The following COL4A2 variants were observed in gnomAD, a reference collection of about 807,000 sequenced individuals.
COL4A2 encodes collagen type IV alpha 2 chain.
Under a neutral mutation model 200.2 loss-of-function variants are expected in COL4A2, and 99 were observed. The ratio of observed to expected loss-of-function variants is 0.49; its 90% confidence interval spans 0.42 to 0.58. The LOEUF is 0.58. COL4A2 is among the 20% of genes least tolerant of loss of function. COL4A2 has a pLI of 0.00. For synonymous variants in COL4A2, 897 were observed against 900.6 expected (o/e 1.00, Z 0.07); for missense variants, 1,950 against 2,314.1 (o/e 0.84, Z 3.23).
chr13:110,375,074 A>G (rs1009755048), intron 4 of COL4A2, among the ~76,000 whole-genome samples: 6 of 152,182 alleles, frequency 3.9e-5, no homozygotes, highest in Admixed American at 6.5e-5. Flanking sequence ...ATTCCTCACT[A>G]TAAGATGTGT....
chr13:110,480,948 TGTTCTGTCCCTCCGTTGCTGGAGACACAC>T (rs1882881570), intron 31 of COL4A2, among the ~76,000 whole-genome samples: 1 of 141,822 alleles, frequency 7.1e-6, no homozygotes, highest in Non-Finnish European at 1.5e-5. Context: ...GGAGACACAC[TGTTCTGTCCCTCCGTTGCTGGAGACACAC>T]AGTTCTGTCC....
chr13:110,428,900 T>C (rs1880571687), intron 7 of COL4A2: 1 of 257,500 alleles, frequency 3.9e-6, no homozygotes, highest in Non-Finnish European at 7.2e-6. Context: ...GACAAAATTC[T>C]GTCCATCACC....
At position 110,469,202 on chromosome 13, in the gene COL4A2, T is replaced by C; in HGVS notation, c.2096-15T>C. 4.5e-6 allele frequency: 7 copies of C among 1,571,594 alleles called. No homozygotes were observed. The highest frequency in any genetic ancestry group is 6.0e-6 in the Non-Finnish European group (7 of 1,157,038). On this transcript the variant is annotated splice_polypyrimidine_tract_variant and intron_variant, in intron 27 of 47. Transcript: ENST00000360467. ...GTGGAGCCTGATGTGGTTTGTGGTT[T>C]ATTTGGTTATTTAGGTGCCAAAGGC...
chr13:110,454,559 C>T (rs1373337263), intron 20 of COL4A2, among the ~76,000 whole-genome samples: 3 of 152,250 alleles, frequency 2.0e-5, no homozygotes, highest in South Asian at 4.1e-4. Context: ...TGACCGGACA[C>T]GCAGCTGACC....
At chr13:110,327,542 T>C (rs769778687) in intron 3 of COL4A2, among the ~76,000 whole-genome samples, 6 of 152,266 alleles carry the variant, frequency 3.9e-5, no homozygotes, top group African/African-American at 9.6e-5. Context: ...TTTAGAGTGA[T>C]TCTCTTAAAT....
rs772750886 is a variant in COL4A2 at position 110,503,950 on chromosome 13, G to A, written c.4242G>A (p.Gly1414=). The A allele has an allele frequency of 6.4e-7, 1 of 1,574,022 alleles. No homozygotes were observed. The highest frequency in any genetic ancestry group is 1.4e-5 in the African/African-American group (1 of 72,890). ...VGPQGRRGPP[G]APGEMGPQGP... ...CCCAGGGGAGGCGAGGCCCCCCTGG[G>A]GCACCGGGGGAGATGGGGCCCCAGG... Residue 1414 remains glycine (G), a synonymous_variant, in exon 44 of 48, where the codon GGG becomes GGA. Coordinates refer to ENST00000360467, the MANE Select transcript of COL4A2 (RefSeq NM_001846.4).
Position 110,445,890 on chromosome 13 carries a change from C to T in COL4A2, c.1011+8C>T, listed in dbSNP as rs1201449707. 5.0e-6 allele frequency: 8 copies of T among 1,614,004 alleles called. No homozygotes were observed. The highest frequency in any genetic ancestry group is 3.3e-5 in the South Asian group (3 of 91,078). On this transcript the variant is annotated splice_region_variant and intron_variant, in intron 17 of 47. Coordinates refer to ENST00000360467, the MANE Select transcript of COL4A2 (RefSeq NM_001846.4). ...GGACCCCGGGGACCCAAGGTGAGCC[C>T]GTTTCTCATGTCTTTGCCACTTATG...
At chr13:110,310,408 GC>G (rs1266391356) in intron 3 of COL4A2, among the ~76,000 whole-genome samples, 5 of 152,218 alleles carry the variant, frequency 3.3e-5, no homozygotes, top group Non-Finnish European at 7.3e-5. Context: ...GGGTTGAGAG[GC>G]AGTTGAGATT....
intron 29 of COL4A2, among the ~76,000 whole-genome samples, chr13:110,476,201 G>A (rs1882697108): frequency 7.3e-6 from 1 of 136,880 alleles, no homozygotes; most frequent in African/African-American, 2.7e-5. Flanking sequence ...CAATGAGCAG[G>A]AGTGGGGTGG....
intron 4 of COL4A2, among the ~76,000 whole-genome samples, chr13:110,422,833 T>C (rs1880306206): frequency 6.6e-6 from 1 of 152,176 alleles, no homozygotes; most frequent in Admixed American, 6.5e-5. Flanking sequence ...AGGTGAGATC[T>C]TCCCACACCC....
At chr13:110,447,971 CAG>C (rs1239967406) in intron 18 of COL4A2, among the ~76,000 whole-genome samples, 1 of 152,160 alleles carries the variant, frequency 6.6e-6, no homozygotes, top group Non-Finnish European at 1.5e-5. Context: ...CAGGACAGAA[CAG>C]GGCCATGGGC....
At chr13:110,501,546 T>A in intron 40 of COL4A2, 122 bp from the exon 41 acceptor site, 26 of 726,564 alleles carry the variant, frequency 3.6e-5, no homozygotes, top group Non-Finnish European at 4.7e-5. Flanking sequence ...TGAGGGCACC[T>A]CCCATCACTG....
At chr13:110,409,319 G>A (rs909177140) in intron 4 of COL4A2, among the ~76,000 whole-genome samples, 4 of 152,276 alleles carry the variant, frequency 2.6e-5, no homozygotes, top group South Asian at 2.1e-4. Context: ...CGGGTAAATC[G>A]CAATATGGAT....
At chr13:110,440,687 C>G (rs752082339) in intron 16 of COL4A2, among the ~76,000 whole-genome samples, 24 of 152,196 alleles carry the variant, frequency 1.6e-4, no homozygotes, top group Non-Finnish European at 2.9e-4. Flanking sequence ...AGGTCATACA[C>G]AATGTTATAG....
chr13:110,325,767 A>G (rs190059711), intron 3 of COL4A2, among the ~76,000 whole-genome samples: 41 of 151,690 alleles, frequency 2.7e-4, no homozygotes, highest in African/African-American at 9.2e-4. Flanking sequence ...TGCCTTATGA[A>G]TGTGTCCTGT....
intron 4 of COL4A2, among the ~76,000 whole-genome samples, chr13:110,374,076 C>G (rs991013682): frequency 6.6e-6 from 1 of 152,136 alleles, no homozygotes; most frequent in African/African-American, 2.4e-5. Context: ...AATTTTAGTA[C>G]TTGGTATGAA....
chr13:110,432,834 G>A (rs532826414), intron 11 of COL4A2, among the ~76,000 whole-genome samples: 3 of 152,320 alleles, frequency 2.0e-5, no homozygotes, highest in Middle Eastern at 3.4e-3. Flanking sequence ...AGTTAGGCTA[G>A]AGCCCAAAGC....
At chr13:110,400,770 C>CT (rs1879345488) in intron 4 of COL4A2, among the ~76,000 whole-genome samples, 1 of 152,120 alleles carries the variant, frequency 6.6e-6, no homozygotes, top group Non-Finnish European at 1.5e-5. Context: ...TTTCTGCTTC[C>CT]TATAGAGATT....
chr13:110,467,985 A>G (rs1882313261), intron 27 of COL4A2, among the ~76,000 whole-genome samples: 1 of 152,212 alleles, frequency 6.6e-6, no homozygotes, highest in African/African-American at 2.4e-5. Context: ...TTTCTTCTGG[A>G]ACTAAGTCCC....
Sources: gnomAD v4.1 joint callset for allele counts (sites outside exome capture counted in the v4.1 genomes callset) on GRCh38, gnomAD v4.1.1 for gene constraint, MANE v1.5 for transcripts, NCBI Gene and HGNC (gene_info 2026-07-23, HGNC 2026-07-21) for gene names.